The following ACBD6 variants were observed in gnomAD, a reference collection of about 807,000 sequenced individuals.
ACBD6 encodes acyl-CoA-binding domain-containing protein 6.
A neutral mutation model predicts 37.2 loss-of-function variants in ACBD6; 28 were observed. That is an observed-to-expected ratio of 0.75 (90% CI 0.56 to 1.03). ACBD6 has a LOEUF of 1.03. Ranked by LOEUF, ACBD6 falls within the 50% of genes least tolerant of loss-of-function variation. The pLI, the probability that ACBD6 is intolerant of heterozygous loss-of-function variation, is 0.00. For missense variants in ACBD6, 340 were observed against 337.4 expected (o/e 1.01, Z -0.06); for synonymous variants, 113 against 126.8 (o/e 0.89, Z 0.73).
chr1:180,376,737 G>A (rs1371848735), intron 6 of ACBD6, among the ~76,000 whole-genome samples: 2 of 152,082 alleles, frequency 1.3e-5, no homozygotes, highest in African/African-American at 4.8e-5. Flanking sequence ...GACAGAGATG[G>A]CACTCAGGTA....
At chr1:180,274,632 A>G (rs1002278732) in intron 10 of ACBD6, 24 of 1,494,300 alleles carry the variant, frequency 1.6e-5, no homozygotes, top group Non-Finnish European at 2.0e-5. Flanking sequence ...AATATCTTCA[A>G]GGATCAAAAG....
chr1:180,294,143 C>T (rs1386795240), intron 7 of ACBD6, among the ~76,000 whole-genome samples: 1 of 152,120 alleles, frequency 6.6e-6, no homozygotes, highest in Non-Finnish European at 1.5e-5. Flanking sequence ...GATCCGCCCG[C>T]CCCAGCCTCC....
At chr1:180,483,005 T>A (rs1651114334) in intron 3 of ACBD6, among the ~76,000 whole-genome samples, 1 of 152,204 alleles carries the variant, frequency 6.6e-6, no homozygotes, top group Non-Finnish European at 1.5e-5. Flanking sequence ...TAAGTCTTTT[T>A]ACAAGTTTAC....
chr1:180,476,348 A>G (rs1353374470), intron 3 of ACBD6, among the ~76,000 whole-genome samples: 1 of 152,246 alleles, frequency 6.6e-6, no homozygotes, highest in Admixed American at 6.5e-5. Context: ...TAACTCCCAC[A>G]AGCTTTGCAT....
chr1:180,500,620 G>C (rs1364757131), intron 1 of ACBD6, among the ~76,000 whole-genome samples: 3 of 151,474 alleles, frequency 2.0e-5, no homozygotes, highest in Non-Finnish European at 4.4e-5. Flanking sequence ...CTTGAACCGG[G>C]GAGGTAGAGG....
At chr1:180,294,058 C>A (rs1649819779) in intron 7 of ACBD6, among the ~76,000 whole-genome samples, 1 of 152,010 alleles carries the variant, frequency 6.6e-6, no homozygotes, top group Admixed American at 6.6e-5. Flanking sequence ...CCACATCTGG[C>A]TAATTTTTGT....
chr1:180,435,418 T>A, intron 3 of ACBD6: 1 of 245,466 alleles, frequency 4.1e-6, no homozygotes, highest in South Asian at 6.7e-5. Context: ...CTGGCTAATT[T>A]TTTTTTTTTT....
intron 6 of ACBD6, among the ~76,000 whole-genome samples, chr1:180,353,785 C>CAA (rs56286672): frequency 0.017 from 326 of 19,754 alleles, 23 homozygotes; most frequent in African/African-American, 0.033. Context: ...TTAACAACCA[C>CAA]AAAAAAAAAA....
intron 3 of ACBD6, among the ~76,000 whole-genome samples, chr1:180,483,526 T>C (rs1651138980): frequency 1.3e-5 from 2 of 152,100 alleles, no homozygotes; most frequent in South Asian, 2.1e-4. Flanking sequence ...CCCCTAGAAC[T>C]ACAACTTGCA....
intron 4 of ACBD6, among the ~76,000 whole-genome samples, chr1:180,415,038 C>A (rs1648020153): frequency 6.6e-6 from 1 of 151,808 alleles, no homozygotes; most frequent in African/African-American, 2.4e-5. Flanking sequence ...GATTGCGCCA[C>A]TGCACTCCAG....
chr1:180,350,154 T>A (rs898792632), intron 6 of ACBD6, among the ~76,000 whole-genome samples: 2 of 151,776 alleles, frequency 1.3e-5, no homozygotes, highest in African/African-American at 4.8e-5. Flanking sequence ...GCCTCCAAAG[T>A]AGCTGGGACT....
At position 180,452,479 on chromosome 1, in the gene ACBD6, A is replaced by AAATAAT. The variant is rs545587170; in HGVS notation, c.385-22223_385-22218dup. 2.9e-3 allele frequency among the ~76,000 whole-genome samples: 432 copies of AAATAAT among 151,308 alleles called. 3 individuals are homozygous for AAATAAT. The highest frequency in any genetic ancestry group is 5.7e-3 in the African/African-American group (235 of 41,238). Reference sequence around the variant, plus strand: ...GAGTGAGACTCCATCTCAAAAAATTAAATAATAATAATAATAATAATAAAA... The same window carrying AAATAAT: ...GAGTGAGACTCCATCTCAAAAAATTAAATAATAATAATAATAATAATAATAATAAAA... On this transcript the variant is annotated intron_variant, in intron 3 of 7. Transcript: ENST00000367595.
intron 8 of ACBD6, among the ~76,000 whole-genome samples, chr1:180,281,609 C>T (rs1649310448): frequency 1.3e-5 from 2 of 152,140 alleles, no homozygotes; most frequent in Admixed American, 1.3e-4. Context: ...CATTTTTATT[C>T]AGAATTCCTA....
intron 6 of ACBD6, among the ~76,000 whole-genome samples, chr1:180,316,033 C>CT (rs1002543230): frequency 1.3e-5 from 2 of 151,936 alleles, no homozygotes; most frequent in Non-Finnish European, 2.9e-5. Context: ...TTTTTGCCTA[C>CT]TTTTTTTTCT....
At chr1:180,493,247 C>CAAAAAAAAAAAA (rs71121023) in intron 2 of ACBD6, among the ~76,000 whole-genome samples, 51 of 47,784 alleles carry the variant, frequency 1.1e-3, no homozygotes, top group African/African-American at 2.6e-3. Flanking sequence ...AATTCTGTCT[C>CAAAAAAAAAAAA]AAAAAAAAAA....
chr1:180,435,930 A>C, intron 3 of ACBD6: 1 of 1,343,608 alleles, frequency 7.4e-7, no homozygotes, highest in African/African-American at 1.4e-5. Flanking sequence ...TTAGGCCTGG[A>C]ATTTCAAGCA....
intron 9 of ACBD6, chr1:180,276,837 G>GC (rs149261601): frequency 0.88 from 132,201 of 151,002 alleles, 58,040 homozygotes; most frequent in East Asian, 0.98. Context: ...TTTTAAAAGG[G>GC]GGGGGGGCAT....
chr1:180,367,442 A>T (rs1653093594), intron 6 of ACBD6, among the ~76,000 whole-genome samples: 1 of 152,056 alleles, frequency 6.6e-6, no homozygotes, highest in Admixed American at 6.6e-5. Context: ...TACACAGTTA[A>T]CTCGTGTCAT....
intron 3 of ACBD6, among the ~76,000 whole-genome samples, chr1:180,466,322 T>C (rs552026173): frequency 1.3e-5 from 2 of 152,316 alleles, no homozygotes; most frequent in Non-Finnish European, 2.9e-5. Flanking sequence ...CAACATAAAA[T>C]TGAAATGTAA....
Sources: allele counts gnomAD v4.1 joint callset (sites outside exome capture counted in the v4.1 genomes callset), GRCh38; gene constraint gnomAD v4.1.1; transcripts MANE v1.5; gene names NCBI Gene and HGNC (gene_info 2026-07-23, HGNC 2026-07-21).